Variants in PACSIN1 observed in about 807,000 individuals in gnomAD.
The protein encoded by PACSIN1 is protein kinase C and casein kinase substrate in neurons 1, also known as protein kinase C and casein kinase substrate in neurons protein 1.
PACSIN1 carries 15 observed loss-of-function variants against 59.5 expected under a neutral mutation model. That is an observed-to-expected ratio of 0.25 (90% confidence interval 0.17 to 0.39). The LOEUF (loss-of-function observed/expected upper bound fraction) is 0.39. PACSIN1 is among the 10% of genes least tolerant of loss of function. The pLI is 1.00. For synonymous variants in PACSIN1, 210 were observed against 220.6 expected (o/e 0.95, Z 0.42); for missense variants, 420 against 580.2 (o/e 0.72, Z 2.84).
intron 1 of PACSIN1, among the ~76,000 whole-genome samples, chr6:34,472,729 A>G (rs186402689): frequency 1.3e-5 from 2 of 152,258 alleles, no homozygotes; most frequent in African/African-American, 4.8e-5. Flanking sequence ...GTGGTGCCTG[A>G]AACCTGGCGG....
At chr6:34,495,071 T>C (rs1766928858) in intron 1 of PACSIN1, among the ~76,000 whole-genome samples, 1 of 152,100 alleles carries the variant, frequency 6.6e-6, no homozygotes, top group Non-Finnish European at 1.5e-5. Context: ...AGCTCGCTTG[T>C]CTTTCCTCCT....
chr6:34,527,693 A>C, intron 3 of PACSIN1: 2 of 407,018 alleles, frequency 4.9e-6, no homozygotes, highest in South Asian at 1.0e-4. Context: ...TTAAAAAAAA[A>C]AAAACACTTT....
At position 34,531,291 on chromosome 6, in the gene PACSIN1, G is replaced by A. The variant is rs1767588783; in HGVS notation, c.1038-309G>A. On this transcript the variant is annotated intron_variant, in intron 8 of 9. Coordinates refer to ENST00000244458, the MANE Select transcript of PACSIN1 (RefSeq NM_020804.5). This position sits in a 1 kb window ranked among gnomAD's most constrained non-coding sequence, Gnocchi z 4.4. ...AGTAAACCTCAGAGCCAGATATGTTGCCCAGGAGGTCTGACTCCAGGATCC... is the reference window on the plus strand; with the variant it reads ...AGTAAACCTCAGAGCCAGATATGTTACCCAGGAGGTCTGACTCCAGGATCC... 6.6e-6 allele frequency among the ~76,000 whole-genome samples: 1 copy of A among 152,156 alleles called. No individual in the cohort carries two copies. The highest frequency in any genetic ancestry group is 2.1e-4 in the South Asian group (1 of 4,826).
In PACSIN1 at chr6:34,530,577, G is replaced by C; in HGVS notation, c.1027G>C (p.Asp343His). ...GAVESTSQAG[D>H]RGSVSSYDRG... ...GGTAGAGTCCACATCCCAGGCTGGG[G>C]ACCGCGGCAGGTGAGTGCCTCCTGT... Residue 343 changes from aspartate (D) to histidine (H), a missense_variant, in exon 8 of 10, where the codon GAC (aspartate) becomes CAC (histidine). Coordinates refer to ENST00000244458, the MANE Select transcript of PACSIN1 (RefSeq NM_020804.5). The surrounding 1 kb of genome is among the most constrained non-coding windows in gnomAD (Gnocchi z 4.4). The C allele has an allele frequency of 7.6e-6, 12 of 1,580,414 alleles. No homozygotes were observed. Among genetic ancestry groups the C allele is most frequent in the Non-Finnish European group, 1.0e-5 (12 of 1,163,006 alleles).
At chr6:34,483,900 C>T (rs1188644687) in intron 1 of PACSIN1, among the ~76,000 whole-genome samples, 2 of 152,122 alleles carry the variant, frequency 1.3e-5, no homozygotes, top group South Asian at 2.1e-4. Flanking sequence ...CCACCTGCCT[C>T]GGCCTCCCAA....
rs1767655893 is a variant in PACSIN1, at chr6:34,534,364, ACT to A, written c.*1835_*1836del. On this transcript the variant is annotated 3_prime_UTR_variant, in exon 10 of 10. Coordinates refer to ENST00000244458, the MANE Select transcript of PACSIN1 (RefSeq NM_020804.5). ...TGCCGTCAGCACCCCCTTCCTTATCACTGTCTGGTCTCCGAGCTTCGGCTGCA... is the reference window on the plus strand; with the variant it reads ...TGCCGTCAGCACCCCCTTCCTTATCAGTCTGGTCTCCGAGCTTCGGCTGCA... 1 of 152,272 alleles carries A rather than the reference ACT, an allele frequency of 6.6e-6. No homozygotes were observed. Among genetic ancestry groups the A allele is most frequent in the South Asian group, 2.1e-4 (1 of 4,808 alleles). 9.4% of individuals were successfully genotyped at this position (152,272 alleles called of 1,614,324 possible).
intron 1 of PACSIN1, among the ~76,000 whole-genome samples, chr6:34,468,228 G>T (rs1038553488): frequency 1.3e-5 from 2 of 152,174 alleles, no homozygotes; most frequent in African/African-American, 4.8e-5. Context: ...GGAAGAGGCT[G>T]CCAACAAGGG....
intron 1 of PACSIN1, among the ~76,000 whole-genome samples, chr6:34,506,831 C>T (rs920042948): frequency 6.6e-6 from 1 of 152,148 alleles, no homozygotes; most frequent in African/African-American, 2.4e-5. Context: ...AAGGTCAACC[C>T]AGCATGGAGA....
intron 1 of PACSIN1, among the ~76,000 whole-genome samples, chr6:34,523,517 C>T (rs1218731761): frequency 6.6e-6 from 1 of 152,214 alleles, no homozygotes; most frequent in Non-Finnish European, 1.5e-5. Flanking sequence ...TATTGAGACA[C>T]TAAAGTGTCT....
At chr6:34,493,106 G>A (rs1191963842) in intron 1 of PACSIN1, among the ~76,000 whole-genome samples, 2 of 152,184 alleles carry the variant, frequency 1.3e-5, no homozygotes, top group African/African-American at 4.8e-5. Context: ...TCAAGCAAGG[G>A]ATCCAGGCCT....
chr6:34,482,063 T>C (rs1766727033), intron 1 of PACSIN1, among the ~76,000 whole-genome samples: 1 of 152,146 alleles, frequency 6.6e-6, no homozygotes, highest in Non-Finnish European at 1.5e-5. Context: ...GACTGGCTTC[T>C]TTTTTTGTTT....
At chr6:34,508,100 T>TGTTTGTTTGTTTG (rs145011394) in intron 1 of PACSIN1, among the ~76,000 whole-genome samples, 4 of 138,086 alleles carry the variant, frequency 2.9e-5, no homozygotes, top group African/African-American at 1.1e-4. Flanking sequence ...GGTAGTTCTT[T>TGTTTGTTTGTTTG]TTTTGTTTGT....
In PACSIN1 at chr6:34,532,900, T is replaced by C; in HGVS notation, c.*370T>C. 5.6e-6 allele frequency: 1 copy of C among 177,136 alleles called. No homozygotes were observed. The highest frequency in any genetic ancestry group is 1.2e-5 in the Non-Finnish European group (1 of 83,984). The allele number at this position is 177,136 out of a possible 1,614,324, so 11.0% of individuals were successfully genotyped here. ...CACTCCACTCCAGGCTGCCGGCACCTGCCCCATTCCCTGGCCTGGTTTCCT... is the reference window on the plus strand; with the variant it reads ...CACTCCACTCCAGGCTGCCGGCACCCGCCCCATTCCCTGGCCTGGTTTCCT... On this transcript the variant is annotated 3_prime_UTR_variant, in exon 10 of 10. Transcript: ENST00000244458. The surrounding 1 kb of genome is among the most constrained non-coding windows in gnomAD (Gnocchi z 5.2).
rs553236910 is a variant in PACSIN1, at chr6:34,468,715, G to A, written c.-64+2445G>A. Among the ~76,000 whole-genome samples the A allele has an allele frequency of 2.8e-3, 429 of 152,260 alleles. 4 individuals are homozygous for A. The highest frequency in any genetic ancestry group is 9.8e-3 in the African/African-American group (406 of 41,558). ...CCTTTTTCCTCCAGAAGCTTCCCCA[G>A]CTTGGGCTGGGAACCCCACCCATGA... On this transcript the variant is annotated intron_variant, in intron 1 of 9. Transcript: ENST00000244458.
intron 1 of PACSIN1, among the ~76,000 whole-genome samples, chr6:34,522,211 G>A (rs764814892): frequency 3.9e-5 from 6 of 152,212 alleles, no homozygotes; most frequent in Non-Finnish European, 5.9e-5. Context: ...CAGTGGCTTC[G>A]GCTGGAGCGA....
rs1767630639 is a variant in PACSIN1 at position 34,533,034 on chromosome 6, T to C, written c.*504T>C. ...GGCTTCCCCATCTTTAGTTTTCCAC[T>C]CTGCCCCGGGGAGCACCCTTCTACT... On this transcript the variant is annotated 3_prime_UTR_variant, in exon 10 of 10. Transcript: ENST00000244458. 6.5e-6 allele frequency: 1 copy of C among 153,212 alleles called. No individual in the cohort carries two copies. Among genetic ancestry groups the C allele is most frequent in the African/African-American group, 2.4e-5 (1 of 41,440 alleles). The allele number at this position is 153,212 out of a possible 1,614,324, so 9.5% of individuals were successfully genotyped here. A position where few individuals can be genotyped will look rare whatever the true frequency, so the allele number is the denominator to read the frequency against.
chr6:34,530,431 C>A lies in PACSIN1; in HGVS notation c.910-29C>A, dbSNP rs1209650759. On this transcript the variant is annotated intron_variant, in intron 7 of 9. Transcript: ENST00000244458. The surrounding 1 kb of genome is among the most constrained non-coding windows in gnomAD (Gnocchi z 4.4). The stretch of plus-strand genomic sequence containing the variant: ...AAAGGTGCCTCAGGGCATAGTCCCC[C>A]AGCCTGACTGCTCCACTGGCCCCAC... 6.3e-7 allele frequency: 1 copy of A among 1,597,296 alleles called. No homozygotes were observed. The highest frequency in any genetic ancestry group is 2.2e-5 in the East Asian group (1 of 44,588).
At chr6:34,477,682 A>G (rs149554095) in intron 1 of PACSIN1, among the ~76,000 whole-genome samples, 1 of 152,130 alleles carries the variant, frequency 6.6e-6, no homozygotes, top group Non-Finnish European at 1.5e-5. Context: ...CTCTTCACCT[A>G]TTTTGTTATT....
chr6:34,466,498 C>T (rs1766498388), intron 1 of PACSIN1, among the ~76,000 whole-genome samples: 1 of 152,176 alleles, frequency 6.6e-6, no homozygotes, highest in Admixed American at 6.5e-5. Context: ...TGCGCTGGGT[C>T]CCTTGGGGGA....
Sources: gnomAD v4.1 joint callset for allele counts (sites outside exome capture counted in the v4.1 genomes callset) on GRCh38, gnomAD v4.1.1 for gene constraint, Gnocchi (gnomAD v3.1) non-coding constraint, MANE v1.5 for transcripts, NCBI Gene and HGNC (gene_info 2026-07-23, HGNC 2026-07-21) for gene names.